Variants in BAZ1B observed in about 807,000 individuals in gnomAD.
The protein encoded by BAZ1B is tyrosine-protein kinase BAZ1B.
In BAZ1B, 22 loss-of-function variants were observed where a neutral mutation model predicts 153.8. The ratio of observed to expected loss-of-function variants is 0.14; its 90% CI spans 0.10 to 0.20. The LOEUF is 0.20. Ranked by LOEUF, BAZ1B falls within the 10% of genes least tolerant of loss-of-function variation. The probability of loss-of-function intolerance (pLI) is 1.00; values close to 1 mark genes in which losing one functional copy is unlikely to be tolerated. For missense variants in BAZ1B, 1,325 were observed against 1,799.3 expected (o/e 0.74, Z 4.77); for synonymous variants, 676 against 633.4 (o/e 1.07, Z -1.01).
chr7:73,519,649 T>C (rs1444565953), intron 1 of BAZ1B, among the ~76,000 whole-genome samples: 6 of 152,244 alleles, frequency 3.9e-5, no homozygotes, highest in African/African-American at 1.2e-4. Flanking sequence ...ATTTCATTCA[T>C]TCAATAATAT....
chr7:73,517,743 T>G (rs1162045557), intron 1 of BAZ1B, among the ~76,000 whole-genome samples: 1 of 152,220 alleles, frequency 6.6e-6, no homozygotes, highest in Non-Finnish European at 1.5e-5. Context: ...CCAAAGGTTG[T>G]GTAAGCTATA....
Position 73,478,342 on chromosome 7 carries a change from C to T in BAZ1B, c.1119G>A (p.Met373Ile), listed in dbSNP as rs1419435622. ...EEHLEEMMKM[M>I]SPNKLHTNFH... The stretch of plus-strand genomic sequence containing the variant: ...AGTTAGTGTGCAGCTTATTGGGCGA[C>T]ATCATCTTCATCATTTCTTCTAGAT... Residue 373 changes from methionine (M) to isoleucine (I), a missense_variant, in exon 7 of 20, where the codon ATG becomes ATA. Transcript: ENST00000339594. 1 of 1,612,572 alleles carries T rather than the reference C, an allele frequency of 6.2e-7. No individual in the cohort carries two copies. Among genetic ancestry groups the T allele is most frequent in the African/African-American group, 1.3e-5 (1 of 74,746 alleles).
intron 11 of BAZ1B, among the ~76,000 whole-genome samples, chr7:73,463,775 T>C (rs1273701272): frequency 1.3e-5 from 2 of 152,106 alleles, no homozygotes; most frequent in African/African-American, 4.8e-5. Context: ...TGGTGCGATC[T>C]TGGCTCACTG....
intron 5 of BAZ1B, among the ~76,000 whole-genome samples, chr7:73,489,969 A>C (rs1689641590): frequency 6.6e-6 from 1 of 152,242 alleles, no homozygotes; most frequent in Admixed American, 6.5e-5. Flanking sequence ...AAATGCTTGT[A>C]ATAGCAAAAA....
At chr7:73,471,302 T>A (rs575324936) in intron 7 of BAZ1B, among the ~76,000 whole-genome samples, 1 of 152,378 alleles carries the variant, frequency 6.6e-6, no homozygotes, top group East Asian at 1.9e-4. Context: ...ATAATTATTT[T>A]ACATTGAACA....
In BAZ1B at chr7:73,441,399, T is replaced by C. The variant is rs782171176; in HGVS notation, c.*310A>G. 9 of 152,422 alleles carry C rather than the reference T, an allele frequency of 5.9e-5. No homozygotes were observed. Among genetic ancestry groups the C allele is most frequent in the Non-Finnish European group, 1.2e-4 (8 of 68,032 alleles). The allele number at this position is 152,422 out of a possible 1,614,324, so 9.4% of individuals were successfully genotyped here. On this transcript the variant is annotated 3_prime_UTR_variant, in exon 20 of 20. Transcript: ENST00000339594. ...TGCTCCCCTAAGAGCTTGACTGGTA[T>C]GTGGGTGGGCTGGGCTCCAACACCC...
intron 12 of BAZ1B, chr7:73,462,350 G>A (rs895896535): frequency 3.3e-5 from 5 of 153,642 alleles, no homozygotes; most frequent in African/African-American, 9.7e-5. Flanking sequence ...AGTAAAAAAC[G>A]GTTTATAATA....
intron 19 of BAZ1B, 28 bp downstream of exon 19, chr7:73,442,153 A>AC: frequency 3.9e-6 from 1 of 254,792 alleles, no homozygotes; most frequent in Non-Finnish European, 6.8e-6. Flanking sequence ...CACCCTCCCT[A>AC]GCTGTCCCCC....
intron 7 of BAZ1B, among the ~76,000 whole-genome samples, chr7:73,470,818 C>T (rs1341116139): frequency 2.6e-5 from 4 of 152,150 alleles, no homozygotes; most frequent in African/African-American, 9.7e-5. Flanking sequence ...TCACTGCAAC[C>T]TCTGCCTCCT....
rs999490652 is a variant in BAZ1B, at chr7:73,467,228, G to A, written c.2867-827C>T. Reference sequence around the variant, plus strand: ...ATTACAGGTGTGAGCTACCACGCCCGGCCAGTCACCACAATATTTGAAGCC... The same window carrying A: ...ATTACAGGTGTGAGCTACCACGCCCAGCCAGTCACCACAATATTTGAAGCC... On this transcript the variant is annotated intron_variant, in intron 9 of 19. Transcript: ENST00000339594. Among the ~76,000 whole-genome samples the A allele has an allele frequency of 7.9e-5, 12 of 151,938 alleles. No homozygotes were observed. In the South Asian group the frequency reaches 8.3e-4, roughly 11 times the overall value.
At chr7:73,506,192 G>C (rs1554577714) in intron 3 of BAZ1B, among the ~76,000 whole-genome samples, 1 of 152,058 alleles carries the variant, frequency 6.6e-6, no homozygotes, top group East Asian at 1.9e-4. Context: ...TAGCTATTTT[G>C]ACTGGATAAT....
At chr7:73,498,848 C>CT in intron 3 of BAZ1B, 150 bp from the exon 4 acceptor site, 3 of 673,042 alleles carry the variant, frequency 4.5e-6, no homozygotes, top group African/African-American at 1.8e-5. Flanking sequence ...GTGTTTTCAA[C>CT]TTTTTTTCTC....
intron 1 of BAZ1B, among the ~76,000 whole-genome samples, chr7:73,511,939 G>A (rs552086240): frequency 6.9e-6 from 1 of 145,706 alleles, no homozygotes; most frequent in Admixed American, 7.1e-5. Context: ...GCTGAGGCAG[G>A]AGAATCACTT....
chr7:73,513,145 G>A (rs1790654710), intron 1 of BAZ1B, among the ~76,000 whole-genome samples: 1 of 152,078 alleles, frequency 6.6e-6, no homozygotes, highest in Non-Finnish European at 1.5e-5. Context: ...CAGAGTCAGG[G>A]TCTCACCACA....
rs1175189600 is a variant in BAZ1B at position 73,446,546 on chromosome 7, C to CAAA, written c.3844+715_3844+717dup. 4.3e-3 allele frequency among the ~76,000 whole-genome samples: 179 copies of CAAA among 41,444 alleles called. 5 individuals are homozygous for CAAA. Among genetic ancestry groups the CAAA allele is most frequent in the Middle Eastern group, 0.01 (1 of 96 alleles). 27.2% of individuals were successfully genotyped at this position (41,444 alleles called of 152,430 possible). A position where few individuals can be genotyped will look rare whatever the true frequency, so the allele number is the denominator to read the frequency against. On this transcript the variant is annotated intron_variant, in intron 16 of 19. Coordinates refer to ENST00000339594, the MANE Select transcript of BAZ1B (RefSeq NM_032408.4). ...AGCCCAGGCGACAGTGAGACCATCT[C>CAAA]AAAAAAAAAAAAAAAAAAAAAAAAG...
At chr7:73,465,930 G>A (rs1416843509) in intron 10 of BAZ1B, among the ~76,000 whole-genome samples, 1 of 152,072 alleles carries the variant, frequency 6.6e-6, no homozygotes, top group Non-Finnish European at 1.5e-5. Context: ...GCAGAAATGC[G>A]CATAAAGGAA....
chr7:73,450,722 G>C lies in BAZ1B; in HGVS notation c.3580+125C>G. 1 of 1,121,458 alleles carries C rather than the reference G, an allele frequency of 8.9e-7. No homozygotes were observed. The highest frequency in any genetic ancestry group is 1.3e-6 in the Non-Finnish European group (1 of 784,824). The allele number at this position is 1,121,458 out of a possible 1,614,324, so 69.5% of individuals were successfully genotyped here. On this transcript the variant is annotated intron_variant, in intron 14 of 19. Coordinates refer to ENST00000339594, the MANE Select transcript of BAZ1B (RefSeq NM_032408.4). This position sits in a 1 kb window ranked among gnomAD's most constrained non-coding sequence, Gnocchi z 4.1. ...ACTGGCATGTTACAGACCTGCAGGA[G>C]AGTAAAATCTATACCACACTTATAT...
chr7:73,443,865 T>C, intron 17 of BAZ1B, 119 bp downstream of exon 17: 1 of 1,484,598 alleles, frequency 6.7e-7, no homozygotes, highest in South Asian at 1.2e-5. Context: ...CCTCCCAAGT[T>C]TGGTAAGAAG....
At chr7:73,490,355 A>G (rs187661557) in intron 5 of BAZ1B, among the ~76,000 whole-genome samples, 19 of 152,354 alleles carry the variant, frequency 1.2e-4, no homozygotes, top group African/African-American at 4.3e-4. Context: ...TTCTACTTTT[A>G]AAAGTCACTT....
Sources: gnomAD v4.1 joint callset for allele counts (sites outside exome capture counted in the v4.1 genomes callset) on GRCh38, gnomAD v4.1.1 for gene constraint, Gnocchi (gnomAD v3.1) non-coding constraint, MANE v1.5 for transcripts, NCBI Gene and HGNC (gene_info 2026-07-23, HGNC 2026-07-21) for gene names.